The following DLGAP4 variants were observed in gnomAD, a reference collection of about 807,000 sequenced individuals.
The protein encoded by DLGAP4 is disks large-associated protein 4.
A neutral mutation model predicts 86.9 loss-of-function variants in DLGAP4; 18 were observed. That is an observed-to-expected ratio of 0.21 (90% CI 0.14 to 0.31). The LOEUF (loss-of-function observed/expected upper bound fraction) is 0.31. Ranked by LOEUF, DLGAP4 falls within the 10% of genes least tolerant of loss-of-function variation. DLGAP4 has a pLI of 1.00. For synonymous variants in DLGAP4, 548 were observed against 574.3 expected, an observed-to-expected ratio of 0.95 and a Z score of 0.65; for missense variants, 1,085 against 1,362.6, an observed-to-expected ratio of 0.80 and a Z score of 3.21.
At chr20:36,396,456 T>TGCACACACACACATACACATC (rs2031981123) in intron 2 of DLGAP4, among the ~76,000 whole-genome samples, 1 of 2,952 alleles carries the variant, frequency 3.4e-4, no homozygotes, top group Non-Finnish European at 7.8e-4. Context: ...ACACATCACA[T>TGCACACACACACATACACATC]GCACACACAC....
intron 7 of DLGAP4, among the ~76,000 whole-genome samples, chr20:36,451,643 G>A (rs548785142): frequency 2.6e-5 from 4 of 152,136 alleles, no homozygotes; most frequent in African/African-American, 9.6e-5. Context: ...GAGCCACCAC[G>A]CCTGGCTCTA....
At chr20:36,488,586 T>A (rs376153785) in intron 7 of DLGAP4, among the ~76,000 whole-genome samples, 66 of 152,160 alleles carry the variant, frequency 4.3e-4, no homozygotes, top group African/African-American at 1.4e-3. Context: ...GAAAGATTTT[T>A]TTTTTTTTTT....
At chr20:36,353,168 C>T (rs11906473) in intron 1 of DLGAP4, among the ~76,000 whole-genome samples, 2 of 152,100 alleles carry the variant, frequency 1.3e-5, no homozygotes, top group Non-Finnish European at 2.9e-5. Flanking sequence ...CAGGGGTACC[C>T]GACGAGCTCA....
chr20:36,461,658 G>GGCCC, intron 7 of DLGAP4: 213 of 274,366 alleles, frequency 7.8e-4, no homozygotes, highest in Middle Eastern at 2.1e-3. Context: ...GACGGGGGCC[G>GGCCC]CCCCGCCCGG....
At chr20:36,486,771 C>T (rs1050652386) in intron 7 of DLGAP4, among the ~76,000 whole-genome samples, 7 of 152,084 alleles carry the variant, frequency 4.6e-5, no homozygotes, top group Non-Finnish European at 1.0e-4. Flanking sequence ...CCACCACACC[C>T]GGCCAATTTT....
intron 10 of DLGAP4, 92 bp from the exon 11 acceptor site, chr20:36,524,157 TA>T: frequency 2.1e-6 from 2 of 952,026 alleles, no homozygotes; most frequent in Non-Finnish European, 3.4e-6. Context: ...AGTTCTACCC[TA>T]AGGGAGTGTG....
chr20:36,482,252 G>A (rs2035220045), intron 7 of DLGAP4, among the ~76,000 whole-genome samples: 1 of 152,204 alleles, frequency 6.6e-6, no homozygotes, highest in South Asian at 2.1e-4. Context: ...TCAGAATGGT[G>A]AAAGAGGCCA....
chr20:36,501,850 T>G (rs1017301938), intron 10 of DLGAP4, among the ~76,000 whole-genome samples: 3 of 152,194 alleles, frequency 2.0e-5, no homozygotes, highest in Non-Finnish European at 4.4e-5. Flanking sequence ...AGGGGAACTG[T>G]TGTGAGGAAA....
intron 1 of DLGAP4, among the ~76,000 whole-genome samples, chr20:36,343,059 GCTCAGCCCTGAGGGGCCTTCTGGCC>G (rs1419021271): frequency 7.9e-5 from 12 of 152,172 alleles, no homozygotes; most frequent in African/African-American, 2.7e-4. Context: ...AGCGGGGACT[GCTCAGCCCTGAGGGGCCTTCTGGCC>G]CTCAGCCCCA....
chr20:36,347,660 C>CA (rs1555893138), intron 1 of DLGAP4, among the ~76,000 whole-genome samples: 2 of 151,170 alleles, frequency 1.3e-5, no homozygotes, highest in African/African-American at 2.4e-5. Context: ...CCCGTCTCCA[C>CA]AAAAAAATTT....
chr20:36,432,091 C>A lies in DLGAP4; in HGVS notation c.374C>A (p.Pro125His). ...HRDGFSTLQF[P>H]RGEAKARGES... is the part of the protein sequence containing the mutation. The stretch of plus-strand genomic sequence containing the variant: ...GATGGCTTCAGCACCCTCCAATTTC[C>A]CCGTGGCGAGGCCAAGGCCCGTGGT... The change falls in exon 3 of 13, where the codon CCC becomes CAC. Residue 125 changes from proline (P) to histidine (H), a missense_variant. By Grantham distance (77) the Pro-to-His change is moderately conservative (BLOSUM62 -2). Coordinates refer to ENST00000339266, the MANE Select transcript of DLGAP4 (RefSeq NM_001365621.2). The surrounding 1 kb of genome is among the most constrained non-coding windows in gnomAD (Gnocchi z 6.5). 2.5e-6 allele frequency: 4 copies of A among 1,614,194 alleles called. No individual in the cohort carries two copies. Among genetic ancestry groups the A allele is most frequent in the Non-Finnish European group, 3.4e-6 (4 of 1,180,042 alleles).
At chr20:36,337,989 G>A (rs1274988280) in intron 1 of DLGAP4, among the ~76,000 whole-genome samples, 2 of 152,200 alleles carry the variant, frequency 1.3e-5, no homozygotes, top group African/African-American at 4.8e-5. Flanking sequence ...AGGGGAGGGA[G>A]GAGTGGGATT....
chr20:36,521,086 C>CT (rs1340894745), intron 10 of DLGAP4, among the ~76,000 whole-genome samples: 1 of 152,196 alleles, frequency 6.6e-6, no homozygotes, highest in Non-Finnish European at 1.5e-5. Flanking sequence ...TCCCAAAGTG[C>CT]TGGGATTACA....
chr20:36,395,859 G>T (rs531264316), intron 2 of DLGAP4, among the ~76,000 whole-genome samples: 6 of 152,116 alleles, frequency 3.9e-5, no homozygotes, highest in African/African-American at 9.7e-5. Context: ...ATATTTGATC[G>T]CTTATGGCCC....
chr20:36,474,302 G>A (rs554985957), intron 7 of DLGAP4, among the ~76,000 whole-genome samples: 99 of 152,294 alleles, frequency 6.5e-4, no homozygotes, highest in Middle Eastern at 6.8e-3. Context: ...GCCTGGGTTA[G>A]GGGAGAGGCG....
At chr20:36,461,868 G>C in intron 7 of DLGAP4, 1 of 983,470 alleles carries the variant, frequency 1.0e-6, no homozygotes, top group Non-Finnish European at 1.2e-6. Flanking sequence ...CTCTGCCCTC[G>C]CGCTCCTCCG....
At chr20:36,368,796 T>C (rs962883648) in intron 2 of DLGAP4, among the ~76,000 whole-genome samples, 1 of 152,258 alleles carries the variant, frequency 6.6e-6, no homozygotes, top group African/African-American at 2.4e-5. Flanking sequence ...TACTATGTGT[T>C]TGGCATCGCA....
intron 7 of DLGAP4, among the ~76,000 whole-genome samples, chr20:36,490,175 A>G (rs1223956054): frequency 6.6e-6 from 1 of 152,060 alleles, no homozygotes; most frequent in East Asian, 1.9e-4. Context: ...CTATTTCTTA[A>G]GGCACAGTGA....
chr20:36,485,020 T>G (rs1052712849), intron 7 of DLGAP4, among the ~76,000 whole-genome samples: 2 of 152,228 alleles, frequency 1.3e-5, no homozygotes, highest in African/African-American at 4.8e-5. Context: ...CCATATAATA[T>G]GTAATGATCA....
Sources: allele counts gnomAD v4.1 joint callset (sites outside exome capture counted in the v4.1 genomes callset), GRCh38; gene constraint gnomAD v4.1.1; non-coding constraint Gnocchi (gnomAD v3.1); transcripts MANE v1.5; gene names NCBI Gene and HGNC (gene_info 2026-07-23, HGNC 2026-07-21).